Variants in ZNF45 observed in about 807,000 individuals in gnomAD.
ZNF45 encodes the protein zinc finger protein 45.
In ZNF45, 4 loss-of-function variants were observed where a neutral mutation model predicts 12.0. The observed-to-expected ratio is 0.33, with a 90% CI of 0.16 to 0.76. The LOEUF (loss-of-function observed/expected upper bound fraction) is 0.76. Ranked by LOEUF, ZNF45 falls within the 30% of genes least tolerant of loss-of-function variation. ZNF45 has a pLI of 0.60. For missense variants in ZNF45, 700 were observed against 813.0 expected, an observed-to-expected ratio of 0.86 and a Z score of 1.69; for synonymous variants, 272 against 279.6, an observed-to-expected ratio of 0.97 and a Z score of 0.27.
Position 43,914,351 on chromosome 19 carries a change from C to T in ZNF45, c.1085G>A (p.Cys362Tyr). 3 of 1,613,244 alleles carry T rather than the reference C, an allele frequency of 1.9e-6. No individual in the cohort carries two copies. Among genetic ancestry groups the T allele is most frequent in the Non-Finnish European group, 2.5e-6 (3 of 1,179,452 alleles). The stretch of plus-strand genomic sequence containing the variant: ...ACTGAAACCTTTCCCACACTCCTCA[C>T]ACTTATAGGGTTTCTCTCCTGTGTG... ...RIHTGEKPYK[C>Y]EECGKGFSVG... Residue 362 changes from cysteine to tyrosine, a missense_variant, in exon 10 of 10, where the codon TGT becomes TAT. Coordinates refer to ENST00000269973, the MANE Select transcript of ZNF45 (RefSeq NM_003425.4).
At chr19:43,922,041 G>C (rs776886679) in intron 7 of ZNF45, 130 bp downstream of exon 7, 10 of 783,770 alleles carry the variant, frequency 1.3e-5, no homozygotes, top group Non-Finnish European at 1.5e-5. Flanking sequence ...AAAGCAGCAA[G>C]CATTTGGCAC....
chr19:43,916,005 AG>A (rs1972636683), intron 9 of ZNF45, among the ~76,000 whole-genome samples: 1 of 152,156 alleles, frequency 6.6e-6, no homozygotes, highest in African/African-American at 2.4e-5. Context: ...CATAACCACC[AG>A]GGGGGTTTCA....
chr19:43,931,552 CAT>C (rs34720014), intron 3 of ZNF45, among the ~76,000 whole-genome samples: 3 of 150,532 alleles, frequency 2.0e-5, no homozygotes, highest in African/African-American at 7.3e-5. Flanking sequence ...AAAATGTATA[CAT>C]ATATATATAT....
Position 43,919,626 on chromosome 19 carries a change from C to T in ZNF45, c.89G>A (p.Arg30Lys), listed in dbSNP as rs762329165. 8.7e-6 allele frequency: 14 copies of T among 1,613,382 alleles called. No individual in the cohort carries two copies. In the Admixed American group the frequency reaches 2.3e-4, roughly 27 times the overall value. ...CAGCATCACATCTCGGTACAGCTTC[C>T]TCTGGGCAAGGTCCAGCAGTTGCAG... is the stretch of plus-strand genomic sequence containing the variant. Reference protein sequence around the residue: ...EELQLLDLAQRKLYRDVMLEN... With the variant: ...EELQLLDLAQKKLYRDVMLEN... Residue 30 changes from arginine to lysine, a missense_variant, in exon 8 of 10, where the codon AGG becomes AAG. Physicochemically the swap from Arg to Lys is conservative, Grantham distance 26. Coordinates refer to ENST00000269973, the MANE Select transcript of ZNF45 (RefSeq NM_003425.4).
chr19:43,919,438 A>G, intron 8 of ZNF45, 135 bp downstream of exon 8: 1 of 1,130,052 alleles, frequency 8.8e-7, no homozygotes, highest in Non-Finnish European at 1.2e-6. Context: ...GAAAGACTTT[A>G]AAAATTCCAT....
At chr19:43,923,926 C>G (rs1240257274) in intron 6 of ZNF45, among the ~76,000 whole-genome samples, 2 of 138,524 alleles carry the variant, frequency 1.4e-5, no homozygotes. Flanking sequence ...GCCAAGAGTT[C>G]AAGACCAACC....
Position 43,913,829 on chromosome 19 carries a change from C to G in ZNF45, c.1607G>C (p.Gly536Ala). The G allele has an allele frequency of 1.2e-6, 2 of 1,613,876 alleles. No individual in the cohort carries two copies. Among genetic ancestry groups the G allele is most frequent in the East Asian group, 2.2e-5 (1 of 44,858 alleles). Residue 536 changes from glycine to alanine, a missense_variant, in exon 10 of 10, where the codon GGC (glycine) becomes GCC (alanine). Transcript: ENST00000269973. ...TTGAAGCTGTGAACCTACACTGAAG[C>G]CCTTCCCACACTCTGCACACTGATA... ...KPYQCAECGK[G>A]FSVGSQLQAH...
intron 3 of ZNF45, among the ~76,000 whole-genome samples, chr19:43,929,639 CA>C (rs1320780221): frequency 1.3e-5 from 2 of 152,168 alleles, no homozygotes; most frequent in Non-Finnish European, 2.9e-5. Flanking sequence ...TCCATGTTGT[CA>C]CTCAGCCGCT....
chr19:43,915,064 A>C lies in ZNF45; in HGVS notation c.372T>G (p.Asn124Lys), dbSNP rs753043128. The change falls in exon 10 of 10, where the codon AAT becomes AAG. Residue 124 changes from asparagine to lysine, a missense_variant. Asn to Lys is a moderately conservative substitution (Grantham distance 94, BLOSUM62 0). Transcript: ENST00000269973. ...ELIKYQDSVV[N>K]IQRTGCQLEK... ...CCAACTGGCAGCCTGTTCTTTGAATATTTACCACAGAATCTTGATACTTGA... is the reference window on the plus strand; with the variant it reads ...CCAACTGGCAGCCTGTTCTTTGAATCTTTACCACAGAATCTTGATACTTGA... 6.2e-7 allele frequency: 1 copy of C among 1,611,786 alleles called. No individual in the cohort carries two copies. The highest frequency in any genetic ancestry group is 8.5e-7 in the Non-Finnish European group (1 of 1,179,126).
chr19:43,913,792 C>T lies in ZNF45; in HGVS notation c.1644G>A (p.Arg548=), dbSNP rs147606810. Reference sequence around the variant, plus strand: ...GATAGGGTTTCTCTCCAGTGTGGCACCTCTGATGGGCTTGAAGCTGTGAAC... The same window carrying T: ...GATAGGGTTTCTCTCCAGTGTGGCATCTCTGATGGGCTTGAAGCTGTGAAC... The part of the protein sequence containing the change: ...SVGSQLQAHQ[R]CHTGEKPYQC... The change falls in exon 10 of 10, where the codon AGG becomes AGA. Residue 548 remains arginine, a synonymous_variant. Coordinates refer to ENST00000269973, the MANE Select transcript of ZNF45 (RefSeq NM_003425.4). 2,472 of 1,596,176 alleles carry T rather than the reference C, an allele frequency of 1.5e-3. 6 individuals carry two copies. Among genetic ancestry groups the T allele is most frequent in the Non-Finnish European group, 1.8e-3 (2,066 of 1,173,204 alleles).
At chr19:43,922,048 G>A in intron 7 of ZNF45, 123 bp downstream of exon 7, 2 of 877,448 alleles carry the variant, frequency 2.3e-6, no homozygotes, top group Non-Finnish European at 3.3e-6. Context: ...CAAGCATTTG[G>A]CACACAAGAG....
intron 3 of ZNF45, chr19:43,931,417 C>T (rs898563885): frequency 2.6e-5 from 4 of 152,060 alleles, no homozygotes; most frequent in Admixed American, 2.0e-4. Flanking sequence ...TGCCTGTAAT[C>T]CCAGCTACTC....
intron 3 of ZNF45, among the ~76,000 whole-genome samples, chr19:43,929,079 G>A (rs574290722): frequency 1.3e-5 from 2 of 152,220 alleles, no homozygotes; most frequent in African/African-American, 2.4e-5. Context: ...GAAAAGTCAG[G>A]ATTTTCACCC....
intron 7 of ZNF45, among the ~76,000 whole-genome samples, chr19:43,920,426 G>A (rs879528179): frequency 6.7e-6 from 1 of 149,560 alleles, no homozygotes; most frequent in African/African-American, 2.5e-5. Context: ...GCTGTGTGGG[G>A]GTGTCTAGGG....
chr19:43,922,109 G>T lies in ZNF45; in HGVS notation c.15+62C>A, dbSNP rs962759573. 9.6e-6 allele frequency: 15 copies of T among 1,556,560 alleles called. No individual in the cohort carries two copies. The East Asian group carries it at 2.9e-4, about 30-fold the overall frequency. The stretch of plus-strand genomic sequence containing the variant: ...TCATCTTCCTAACAAAGAGAATAAG[G>T]TGTATGTAATCTTTCCGAAATGAGA... On this transcript the variant is annotated intron_variant, in intron 7 of 9. Transcript: ENST00000269973.
chr19:43,934,598 G>A lies in ZNF45; in HGVS notation c.-659C>T, dbSNP rs1232428389. The stretch of plus-strand genomic sequence containing the variant: ...ATTGCACGATCTTGTCTGAGATCCT[G>A]GAAAATCCACAGAGGATAACTCCAG... On this transcript the variant is annotated 5_prime_UTR_variant, in exon 2 of 10. Transcript: ENST00000269973. The A allele has an allele frequency of 6.6e-6, 1 of 152,082 alleles. No individual in the cohort carries two copies. The highest frequency in any genetic ancestry group is 1.5e-5 in the Non-Finnish European group (1 of 68,026). 9.4% of individuals were successfully genotyped at this position (152,082 alleles called of 1,614,324 possible). A position where few individuals can be genotyped will look rare whatever the true frequency, so the allele number is the denominator to read the frequency against.
In ZNF45 at chr19:43,914,466, G is replaced by C. The variant is rs373069300; in HGVS notation, c.970C>G (p.Arg324Gly). ...TATGGTTTCTCGCCAGTGTGGATTCGCTCATGAGCCTGCAGTCGTGAACGC... is the reference window on the plus strand; with the variant it reads ...TATGGTTTCTCGCCAGTGTGGATTCCCTCATGAGCCTGCAGTCGTGAACGC... The part of the protein sequence containing the change: ...SWRSRLQAHE[R>G]IHTGEKPYKC... The change falls in exon 10 of 10, where the codon CGA becomes GGA. Residue 324 changes from arginine to glycine, a missense_variant. Physicochemically the swap from Arg to Gly is moderately radical, Grantham distance 125 (BLOSUM62 -2). Transcript: ENST00000269973. 1 of 1,612,202 alleles carries C rather than the reference G, an allele frequency of 6.2e-7. No individual in the cohort carries two copies. The highest frequency in any genetic ancestry group is 8.5e-7 in the Non-Finnish European group (1 of 1,179,002).
Position 43,915,085 on chromosome 19 carries a change from C to T in ZNF45, c.351G>A (p.Lys117=). 3 of 1,611,612 alleles carry T rather than the reference C, an allele frequency of 1.9e-6. No individual in the cohort carries two copies. Among genetic ancestry groups the T allele is most frequent in the Non-Finnish European group, 2.5e-6 (3 of 1,179,050 alleles). Residue 117 remains lysine (K), a synonymous_variant, in exon 10 of 10, where the codon AAG becomes AAA. Transcript: ENST00000269973. ...IWQQITRELI[K]YQDSVVNIQR... ...GAATATTTACCACAGAATCTTGATA[C>T]TTGATTAACTCTCTTGTAATCTGTT... is the stretch of plus-strand genomic sequence containing the variant.
At position 43,916,398 on chromosome 19, in the gene ZNF45, G is replaced by A. The variant is rs372629947; in HGVS notation, c.236-1198C>T. 3.1e-4 allele frequency among the ~76,000 whole-genome samples: 47 copies of A among 152,276 alleles called. No individual in the cohort carries two copies. In the East Asian group the frequency reaches 8.7e-3, roughly 28 times the overall value. ...CTCAAAGTGTTAGGATTATAGCTGT[G>A]AGCCCCCACGCCTGGCCCAGTGATG... On this transcript the variant is annotated intron_variant, in intron 9 of 9. Transcript: ENST00000269973.
Sources: gnomAD v4.1 joint callset for allele counts (sites outside exome capture counted in the v4.1 genomes callset) on GRCh38, gnomAD v4.1.1 for gene constraint, MANE v1.5 for transcripts, NCBI Gene and HGNC (gene_info 2026-07-23, HGNC 2026-07-21) for gene names.